Variants in NPLOC4 observed in about 807,000 individuals in gnomAD.
NPLOC4 encodes the protein NPL4 homolog, ubiquitin recognition factor, also known as nuclear protein localization protein 4 homolog.
NPLOC4 carries 18 observed loss-of-function variants against 80.6 expected under a neutral mutation model. The observed-to-expected ratio is 0.22, with a 90% CI of 0.15 to 0.33. The LOEUF is 0.33. Among genes scored for constraint, NPLOC4 ranks in the 10% least tolerant of loss-of-function variants. The probability of loss-of-function intolerance (pLI) is 1.00; values close to 1 mark genes in which losing one functional copy is unlikely to be tolerated. For missense variants in NPLOC4, 540 were observed against 786.1 expected, an observed-to-expected ratio of 0.69 and a Z score of 3.74; for synonymous variants, 313 against 301.5, an observed-to-expected ratio of 1.04 and a Z score of -0.39.
In NPLOC4 at chr17:81,600,416, C is replaced by T; in HGVS notation, c.846G>A (p.Gln282=). 6.2e-7 allele frequency: 1 copy of T among 1,612,070 alleles called. No homozygotes were observed. Among genetic ancestry groups the T allele is most frequent in the Non-Finnish European group, 8.5e-7 (1 of 1,179,090 alleles). ...AIYEPPQIGT[Q]NSLELLEDPK... is the part of the protein sequence containing the mutation. ...GATCCTCAAGAAGCTCCAAGCTGTT[C>T]TGTGTACCAATCTGCAGGGAATCAA... is the stretch of plus-strand genomic sequence containing the variant. The change falls in exon 9 of 17, where the codon CAG becomes CAA. Residue 282 remains glutamine, a synonymous_variant. Transcript: ENST00000331134.
At chr17:81,575,098 G>A (rs969893152) in intron 12 of NPLOC4, among the ~76,000 whole-genome samples, 7 of 152,052 alleles carry the variant, frequency 4.6e-5, no homozygotes, top group Admixed American at 6.6e-5. Context: ...TCAGACACTC[G>A]GTTACTTTTC....
chr17:81,591,727 A>G (rs988751915), intron 11 of NPLOC4, among the ~76,000 whole-genome samples: 3 of 152,214 alleles, frequency 2.0e-5, no homozygotes, highest in Non-Finnish European at 4.4e-5. Flanking sequence ...AATGGCTGGC[A>G]GGACAAGTTA....
chr17:81,604,803 T>C lies in NPLOC4; in HGVS notation c.655-76A>G, dbSNP rs1017897506. ...TCACTTGTTTTTCTAACACAAACCA[T>C]TCATAAATATCTTTTACCTAGTTCT... On this transcript the variant is annotated intron_variant, in intron 7 of 16. Coordinates refer to ENST00000331134, the MANE Select transcript of NPLOC4 (RefSeq NM_017921.4). The C allele has an allele frequency of 1.2e-5, 16 of 1,304,826 alleles. No individual in the cohort carries two copies. The Admixed American group carries it at 3.0e-4, about 24-fold the overall frequency. The allele number at this position is 1,304,826 out of a possible 1,614,324, so 80.8% of individuals were successfully genotyped here. A position where few individuals can be genotyped will look rare whatever the true frequency, so the allele number is the denominator to read the frequency against.
In NPLOC4 at chr17:81,558,945, T is replaced by A; in HGVS notation, c.*314A>T. On this transcript the variant is annotated 3_prime_UTR_variant, in exon 17 of 17. Coordinates refer to ENST00000331134, the MANE Select transcript of NPLOC4 (RefSeq NM_017921.4). ...TCGGCCCCTCCCTGTGCGCCCCAAT[T>A]CCAGGTGCCACGTAGAGGCGAGAGG... The A allele has an allele frequency of 3.9e-6, 1 of 254,134 alleles. No individual in the cohort carries two copies. The highest frequency in any genetic ancestry group is 7.5e-6 in the Non-Finnish European group (1 of 133,592). 15.7% of individuals were successfully genotyped at this position (254,134 alleles called of 1,614,324 possible).
intron 3 of NPLOC4, among the ~76,000 whole-genome samples, chr17:81,619,762 C>T (rs1163506311): frequency 6.6e-6 from 1 of 151,262 alleles, no homozygotes; most frequent in Non-Finnish European, 1.5e-5. Context: ...ACCTGTAATC[C>T]CAGCTACTCA....
chr17:81,616,320 CAAAA>C (rs56118520), intron 3 of NPLOC4, among the ~76,000 whole-genome samples: 3 of 38,482 alleles, frequency 7.8e-5, no homozygotes. Flanking sequence ...GACTCTGTCT[CAAAA>C]AAAAAAAAAA....
At chr17:81,623,626 G>A (rs1166550010) in intron 2 of NPLOC4, among the ~76,000 whole-genome samples, 4 of 151,096 alleles carry the variant, frequency 2.6e-5, no homozygotes, top group Non-Finnish European at 3.0e-5. Flanking sequence ...GTGAAACCCC[G>A]TCTCTACTAA....
chr17:81,618,120 C>T (rs2035552191), intron 3 of NPLOC4, among the ~76,000 whole-genome samples: 2 of 151,494 alleles, frequency 1.3e-5, no homozygotes, highest in Non-Finnish European at 1.5e-5. Context: ...GGCCGCCCAT[C>T]GTCTGGGATG....
At chr17:81,623,949 G>T (rs1209308009) in intron 2 of NPLOC4, among the ~76,000 whole-genome samples, 1 of 152,022 alleles carries the variant, frequency 6.6e-6, no homozygotes, top group Admixed American at 6.6e-5. Context: ...TATGTGCTCA[G>T]CTCCATTCTG....
intron 12 of NPLOC4, among the ~76,000 whole-genome samples, chr17:81,587,214 C>T (rs976292941): frequency 1.3e-5 from 2 of 152,238 alleles, no homozygotes; most frequent in African/African-American, 4.8e-5. Context: ...TGGCTCACGC[C>T]TATAACCCCA....
rs371129149 is a variant in NPLOC4 at position 81,633,771 on chromosome 17, C to G, written c.15+3145G>C. On this transcript the variant is annotated intron_variant, in intron 1 of 16. Transcript: ENST00000331134. ...CAGAGTGGGAGTGCGATGGCGCGAC[C>G]TCGGTTCACTGCAACCTTTGCCTGC... Among the ~76,000 whole-genome samples, 24 of 152,248 alleles carry G rather than the reference C, an allele frequency of 1.6e-4. No individual in the cohort carries two copies. The South Asian group carries it at 4.8e-3, about 30-fold the overall frequency.
chr17:81,630,667 G>A (rs62074738), intron 1 of NPLOC4, among the ~76,000 whole-genome samples: 16,960 of 151,800 alleles, frequency 0.11, 1,053 homozygotes, highest in Middle Eastern at 0.18. Context: ...GATCACTTGA[G>A]CTCAGAAGTT....
In NPLOC4 at chr17:81,559,042, G is replaced by C; in HGVS notation, c.*217C>G. 1 of 562,522 alleles carries C rather than the reference G, an allele frequency of 1.8e-6. No individual in the cohort carries two copies. Among genetic ancestry groups the C allele is most frequent in the Non-Finnish European group, 3.1e-6 (1 of 318,654 alleles). The allele number at this position is 562,522 out of a possible 1,614,324, so 34.8% of individuals were successfully genotyped here. On this transcript the variant is annotated 3_prime_UTR_variant, in exon 17 of 17. Coordinates refer to ENST00000331134, the MANE Select transcript of NPLOC4 (RefSeq NM_017921.4). ...AGCCGCTCTGCGTTTCCAGTCTGGA[G>C]ACTGCATTCAGCCTGCAGAATACCA...
At chr17:81,626,781 A>G (rs2035806717) in intron 2 of NPLOC4, among the ~76,000 whole-genome samples, 1 of 152,064 alleles carries the variant, frequency 6.6e-6, no homozygotes, top group Admixed American at 6.6e-5. Flanking sequence ...CTAGGCAAAA[A>G]TAATAATAAT....
rs540482804 is a variant in NPLOC4 at position 81,592,222 on chromosome 17, C to T, written c.1121-3118G>A. 8.5e-5 allele frequency among the ~76,000 whole-genome samples: 13 copies of T among 152,266 alleles called. 2 individuals carry two copies. The South Asian group carries it at 2.7e-3, about 32-fold the overall frequency. ...TTCCTGTCTAAGGAGGGATGTGGGA[C>T]GGGAATGCAACAAGTACAATTTCCA... On this transcript the variant is annotated intron_variant, in intron 11 of 16. Transcript: ENST00000331134.
intron 12 of NPLOC4, among the ~76,000 whole-genome samples, chr17:81,587,161 T>C (rs887732148): frequency 3.9e-5 from 6 of 152,028 alleles, no homozygotes; most frequent in African/African-American, 1.4e-4. Flanking sequence ...GTGATATGAG[T>C]TAGTATATAA....
chr17:81,626,318 GA>G (rs55857349), intron 2 of NPLOC4, among the ~76,000 whole-genome samples: 26 of 135,540 alleles, frequency 1.9e-4, no homozygotes, highest in Non-Finnish European at 2.6e-4. Context: ...TCCATCTCAA[GA>G]AAAAAAAAAA....
chr17:81,583,993 C>T (rs1175539101), intron 12 of NPLOC4, among the ~76,000 whole-genome samples: 1 of 152,246 alleles, frequency 6.6e-6, no homozygotes, highest in African/African-American at 2.4e-5. Flanking sequence ...TTAGTAACCA[C>T]ATGCTATCCC....
At chr17:81,617,690 G>A (rs113150170) in intron 3 of NPLOC4, among the ~76,000 whole-genome samples, 16,654 of 128,080 alleles carry the variant, frequency 0.13, 1,157 homozygotes, top group Admixed American at 0.26. Flanking sequence ...CTCTTTCCAC[G>A]GTCTCCCTCT....
Sources: allele counts gnomAD v4.1 joint callset (sites outside exome capture counted in the v4.1 genomes callset), GRCh38; gene constraint gnomAD v4.1.1; transcripts MANE v1.5; gene names NCBI Gene and HGNC (gene_info 2026-07-23, HGNC 2026-07-21).